Variants in RASA2 observed in about 807,000 individuals in gnomAD.
RASA2 encodes the protein RAS p21 protein activator 2.
Under a neutral mutation model 118.2 loss-of-function variants are expected in RASA2, and 155 were observed. That is an observed-to-expected ratio of 1.31 (90% CI 1.15 to 1.50). The LOEUF (loss-of-function observed/expected upper bound fraction) is 1.50. Ranked by LOEUF, RASA2 falls within the 40% of genes most tolerant of loss-of-function variation. RASA2 has a pLI of 0.00. For synonymous variants in RASA2, 353 were observed against 349.1 expected (o/e 1.01, Z -0.12); for missense variants, 1,016 against 1,009.6 (o/e 1.01, Z -0.09).
At chr3:141,493,386 C>T (rs2081661594) in intron 1 of RASA2, among the ~76,000 whole-genome samples, 1 of 152,124 alleles carries the variant, frequency 6.6e-6, no homozygotes, top group Non-Finnish European at 1.5e-5. Flanking sequence ...CCATGGTCTA[C>T]CTCAGCTATT....
At chr3:141,596,834 A>G (rs1052701577) in intron 19 of RASA2, among the ~76,000 whole-genome samples, 3 of 152,234 alleles carry the variant, frequency 2.0e-5, no homozygotes, top group Admixed American at 6.5e-5. Context: ...AAACCCTCAT[A>G]CATTTCCAGT....
intron 1 of RASA2, among the ~76,000 whole-genome samples, chr3:141,491,822 A>G (rs1306084796): frequency 6.6e-6 from 1 of 152,224 alleles, no homozygotes; most frequent in Non-Finnish European, 1.5e-5. Flanking sequence ...AGAAAATCTC[A>G]TATTCATACT....
rs759787978 is a variant in RASA2 at position 141,555,929 on chromosome 3, C to T, written c.684+17C>T. Reference sequence around the variant, plus strand: ...TATTTTGAGGTAATTTTTTGTTTTACGTAAATGTTAACATTAAATATGTAA... The same window carrying T: ...TATTTTGAGGTAATTTTTTGTTTTATGTAAATGTTAACATTAAATATGTAA... On this transcript the variant is annotated intron_variant, in intron 7 of 23. Coordinates refer to ENST00000286364, the MANE Select transcript of RASA2 (RefSeq NM_006506.5). The T allele has an allele frequency of 2.4e-5, 38 of 1,563,874 alleles. No homozygotes were observed. The East Asian group carries it at 3.4e-4, about 14-fold the overall frequency.
At chr3:141,572,555 A>G (rs1159216150) in intron 11 of RASA2, 54 bp from the exon 12 acceptor site, 1 of 1,254,726 alleles carries the variant, frequency 8.0e-7, no homozygotes, top group Non-Finnish European at 1.2e-6. Flanking sequence ...ATGTTATATT[A>G]TTGGTTTCAA....
Position 141,580,619 on chromosome 3 carries a change from C to T in RASA2, c.1674+168C>T, listed in dbSNP as rs982588309. On this transcript the variant is annotated intron_variant, in intron 16 of 23. Coordinates refer to ENST00000286364, the MANE Select transcript of RASA2 (RefSeq NM_006506.5). ...TTTTAAGTAGATACTCTCTTAGTCA[C>T]CTGTTAAAGAGGACAGTTTCAGAAG... Among the ~76,000 whole-genome samples the T allele has an allele frequency of 2.5e-4, 38 of 152,000 alleles. No homozygotes were observed. The Middle Eastern group carries it at 0.01, about 41-fold the overall frequency.
In RASA2 at chr3:141,615,310, T is replaced by C. The variant is rs1314427799; in HGVS notation, c.*2997T>C. ...AAAATTAACTTTTGTAACTGTCGCT[T>C]GGAAATAACTCAAATAAATTACAAG... On this transcript the variant is annotated 3_prime_UTR_variant, in exon 24 of 24. Transcript: ENST00000286364. 6.6e-6 allele frequency: 1 copy of C among 152,064 alleles called. No homozygotes were observed. The highest frequency in any genetic ancestry group is 1.5e-5 in the Non-Finnish European group (1 of 68,008). 9.4% of individuals were successfully genotyped at this position (152,064 alleles called of 1,614,324 possible). A position where few individuals can be genotyped will look rare whatever the true frequency, so the allele number is the denominator to read the frequency against.
Position 141,571,540 on chromosome 3 carries a change from C to G in RASA2, c.1155C>G (p.Asp385Glu). 6.2e-7 allele frequency: 1 copy of G among 1,610,898 alleles called. No individual in the cohort carries two copies. Among genetic ancestry groups the G allele is most frequent in the Non-Finnish European group, 8.5e-7 (1 of 1,177,948 alleles). ...VPFATAVAELDLKDTQDANTI... is the reference protein window; with the variant it reads ...VPFATAVAELELKDTQDANTI... Reference sequence around the variant, plus strand: ...TTGCCACTGCTGTGGCTGAATTAGACTTGAAGGATACACAGTAAGAGTTAT... The same window carrying G: ...TTGCCACTGCTGTGGCTGAATTAGAGTTGAAGGATACACAGTAAGAGTTAT... Residue 385 changes from aspartate (D) to glutamate (E), a missense_variant, in exon 11 of 24, where the codon GAC becomes GAG. By Grantham distance (45) the Asp-to-Glu change is conservative. Around this residue, in one of 2 missense-constraint regions of RASA2, gnomAD observed 896 missense variants for 836.4 expected, o/e 1.07. Transcript: ENST00000286364.
rs1379305330 is a variant in RASA2 at position 141,613,199 on chromosome 3, A to G, written c.*886A>G. On this transcript the variant is annotated 3_prime_UTR_variant, in exon 24 of 24. Transcript: ENST00000286364. ...GCCACCATAAGGATGCCCTCCTCATAGTGTTCGGTTCTGATCTTCCTCGAG... is the reference window on the plus strand; with the variant it reads ...GCCACCATAAGGATGCCCTCCTCATGGTGTTCGGTTCTGATCTTCCTCGAG... 1 of 152,170 alleles carries G rather than the reference A, an allele frequency of 6.6e-6. No individual in the cohort carries two copies. The highest frequency in any genetic ancestry group is 2.4e-5 in the African/African-American group (1 of 41,428). The allele number at this position is 152,170 out of a possible 1,614,324, so 9.4% of individuals were successfully genotyped here. A position where few individuals can be genotyped will look rare whatever the true frequency, so the allele number is the denominator to read the frequency against.
At chr3:141,564,244 C>T (rs1305322922) in intron 9 of RASA2, among the ~76,000 whole-genome samples, 1 of 152,036 alleles carries the variant, frequency 6.6e-6, no homozygotes, top group Admixed American at 6.6e-5. Context: ...ACCCCTCCCT[C>T]AGTTATTTGG....
chr3:141,598,760 C>CA (rs1229793462), intron 19 of RASA2, among the ~76,000 whole-genome samples: 1 of 151,860 alleles, frequency 6.6e-6, no homozygotes, highest in East Asian at 1.9e-4. Context: ...AGTTCCCCCC[C>CA]AAAAAAACCC....
intron 1 of RASA2, among the ~76,000 whole-genome samples, chr3:141,500,160 A>G (rs1434823972): frequency 1.3e-5 from 2 of 152,226 alleles, no homozygotes; most frequent in African/African-American, 4.8e-5. Flanking sequence ...TTAAGGAGCC[A>G]CTAAGGAAGG....
chr3:141,504,161 G>A (rs975835747), intron 1 of RASA2, among the ~76,000 whole-genome samples: 5 of 152,114 alleles, frequency 3.3e-5, no homozygotes, highest in Non-Finnish European at 7.4e-5. Flanking sequence ...GCTTTTGCTT[G>A]GTTGTGTCTC....
intron 19 of RASA2, among the ~76,000 whole-genome samples, chr3:141,596,862 G>T (rs1051049066): frequency 6.6e-6 from 1 of 152,150 alleles, no homozygotes; most frequent in African/African-American, 2.4e-5. Flanking sequence ...TAAAATAGGG[G>T]CTTTGACAGT....
At chr3:141,602,638 TAC>T (rs1350662325) in intron 19 of RASA2, among the ~76,000 whole-genome samples, 1 of 152,226 alleles carries the variant, frequency 6.6e-6, no homozygotes, top group Non-Finnish European at 1.5e-5. Flanking sequence ...CTCTCTTACT[TAC>T]AGTGTATCTC....
chr3:141,515,755 C>A (rs2082013360), intron 2 of RASA2, among the ~76,000 whole-genome samples: 1 of 151,640 alleles, frequency 6.6e-6, no homozygotes, highest in Non-Finnish European at 1.5e-5. Context: ...CAAAAATTAG[C>A]TGGGCGTGGT....
intron 14 of RASA2, 150 bp from the exon 15 acceptor site, chr3:141,576,850 A>G (rs2083019602): frequency 1.5e-5 from 6 of 406,524 alleles, no homozygotes; most frequent in Middle Eastern, 6.1e-4. Context: ...TAATTGAGTC[A>G]TAAATATCAC....
At chr3:141,604,953 TA>T (rs981310739) in intron 19 of RASA2, among the ~76,000 whole-genome samples, 5 of 150,356 alleles carry the variant, frequency 3.3e-5, no homozygotes, top group East Asian at 1.9e-4. Flanking sequence ...TGAACAGGAA[TA>T]AAAAAAAATG....
chr3:141,499,747 C>T (rs575785459), intron 1 of RASA2, among the ~76,000 whole-genome samples: 28 of 152,244 alleles, frequency 1.8e-4, no homozygotes, highest in Non-Finnish European at 2.8e-4. Context: ...TGCAGGTGCA[C>T]GCCACCACAT....
intron 17 of RASA2, among the ~76,000 whole-genome samples, chr3:141,584,526 T>G (rs897952763): frequency 1.3e-5 from 2 of 152,118 alleles, no homozygotes; most frequent in African/African-American, 4.8e-5. Flanking sequence ...ATGGGAAGTT[T>G]ATAAATGGCG....
Sources: gnomAD v4.1 joint callset for allele counts (sites outside exome capture counted in the v4.1 genomes callset) on GRCh38, gnomAD v4.1.1 for gene constraint, gnomAD v4.1.1 regional missense constraint, MANE v1.5 for transcripts, NCBI Gene and HGNC (gene_info 2026-07-23, HGNC 2026-07-21) for gene names.